The following CCDC178 variants were observed in gnomAD, a reference collection of about 807,000 sequenced individuals.
CCDC178 encodes coiled-coil domain containing 178.
A neutral mutation model predicts 117.4 loss-of-function variants in CCDC178; 126 were observed. The observed-to-expected ratio is 1.07, with a 90% CI of 0.93 to 1.24. The LOEUF is 1.24. CCDC178 is among the 50% of genes most tolerant of loss of function. The probability of loss-of-function intolerance (pLI) is 0.00; values close to 1 mark genes in which losing one functional copy is unlikely to be tolerated. For synonymous variants in CCDC178, 283 were observed against 313.4 expected, an observed-to-expected ratio of 0.90 and a Z score of 1.02; for missense variants, 1,030 against 986.9, an observed-to-expected ratio of 1.04 and a Z score of -0.59.
intron 2 of CCDC178, among the ~76,000 whole-genome samples, chr18:33,412,323 T>C (rs1037542416): frequency 1.2e-4 from 18 of 152,088 alleles, no homozygotes; most frequent in Non-Finnish European, 2.5e-4. Context: ...GGATCTTTGA[T>C]CTTCTACTTT....
chr18:33,117,979 G>A (rs2057882378), intron 20 of CCDC178, among the ~76,000 whole-genome samples: 1 of 152,084 alleles, frequency 6.6e-6, no homozygotes, highest in African/African-American at 2.4e-5. Context: ...TTTCCCCAGG[G>A]TAGTCAGGAT....
intron 3 of CCDC178, among the ~76,000 whole-genome samples, chr18:33,408,086 T>G (rs1287331636): frequency 6.6e-6 from 1 of 151,940 alleles, no homozygotes; most frequent in East Asian, 1.9e-4. Flanking sequence ...AAATGAAGTT[T>G]ATTTAAAAGT....
chr18:33,308,425 A>G (rs1251989876), intron 11 of CCDC178, among the ~76,000 whole-genome samples: 1 of 152,100 alleles, frequency 6.6e-6, no homozygotes, highest in East Asian at 1.9e-4. Context: ...GTGTCTAGGG[A>G]GTAACTAACT....
At chr18:33,394,610 T>C (rs1314445890) in intron 4 of CCDC178, among the ~76,000 whole-genome samples, 2 of 151,816 alleles carry the variant, frequency 1.3e-5, no homozygotes, top group Admixed American at 6.6e-5. Context: ...TCAAAAAAAC[T>C]TCAAGGAAAA....
chr18:32,960,845 A>G (rs1462637929), intron 22 of CCDC178, among the ~76,000 whole-genome samples: 1 of 152,104 alleles, frequency 6.6e-6, no homozygotes, highest in Admixed American at 6.6e-5. Context: ...TAATTTTTTG[A>G]CCCATAATAT....
intron 20 of CCDC178, among the ~76,000 whole-genome samples, chr18:33,124,928 A>G (rs271573): frequency 0.16 from 24,258 of 152,146 alleles, 2,675 homozygotes; most frequent in African/African-American, 0.32. Context: ...GCTAACGCTG[A>G]AAGTAGATTT....
At chr18:33,336,151 A>T (rs535170995) in intron 9 of CCDC178, among the ~76,000 whole-genome samples, 27 of 152,136 alleles carry the variant, frequency 1.8e-4, no homozygotes, top group Non-Finnish European at 3.4e-4. Flanking sequence ...CTTCCATTGT[A>T]TAAGAGAAAC....
At chr18:33,182,123 G>A (rs1479674744) in intron 20 of CCDC178, among the ~76,000 whole-genome samples, 2 of 151,842 alleles carry the variant, frequency 1.3e-5, no homozygotes, top group Non-Finnish European at 2.9e-5. Flanking sequence ...ATAACTCTCA[G>A]TTTTATCATG....
intron 20 of CCDC178, among the ~76,000 whole-genome samples, chr18:33,190,762 C>T (rs980086101): frequency 2.6e-5 from 4 of 152,174 alleles, no homozygotes; most frequent in African/African-American, 9.7e-5. Flanking sequence ...TCCTTCACAT[C>T]TGCAGTTTGG....
chr18:32,984,030 A>G (rs909549617), intron 21 of CCDC178, among the ~76,000 whole-genome samples: 5 of 152,034 alleles, frequency 3.3e-5, no homozygotes, highest in Admixed American at 6.6e-5. Context: ...AAGTAATGAG[A>G]TATTTCTTTA....
In CCDC178 at chr18:32,983,372, A is replaced by AAAT. The variant is rs200479986; in HGVS notation, c.2389-8694_2389-8692dup. 2,518 of 1,419,756 alleles carry AAAT rather than the reference A, an allele frequency of 1.8e-3. 38 individuals carry two copies. In the African/African-American group the frequency reaches 0.032, roughly 18 times the overall value. The allele number at this position is 1,419,756 out of a possible 1,614,324, so 87.9% of individuals were successfully genotyped here. A position where few individuals can be genotyped will look rare whatever the true frequency, so the allele number is the denominator to read the frequency against. On this transcript the variant is annotated intron_variant, in intron 21 of 22. Transcript: ENST00000383096. The stretch of plus-strand genomic sequence containing the variant: ...TGCAACCTAAGAATAGAAATATTAC[A>AAAT]AATATTACAAATGAAGCCATTTCAG...
At chr18:33,348,600 C>G (rs532237000) in intron 8 of CCDC178, among the ~76,000 whole-genome samples, 64 of 151,954 alleles carry the variant, frequency 4.2e-4, no homozygotes, top group African/African-American at 1.5e-3. Context: ...TACTGATTAT[C>G]ACAGAAAGTT....
At chr18:33,130,930 A>C (rs1359161597) in intron 20 of CCDC178, among the ~76,000 whole-genome samples, 1 of 151,918 alleles carries the variant, frequency 6.6e-6, no homozygotes, top group Non-Finnish European at 1.5e-5. Flanking sequence ...TTAGAGCATA[A>C]ATTTAAATAT....
At chr18:33,301,379 A>C (rs575837411) in intron 11 of CCDC178, among the ~76,000 whole-genome samples, 1 of 152,240 alleles carries the variant, frequency 6.6e-6, no homozygotes, top group South Asian at 2.1e-4. Context: ...ATGGCAGAGG[A>C]AAATATGGGG....
intron 15 of CCDC178, among the ~76,000 whole-genome samples, chr18:33,241,025 T>C (rs1276056400): frequency 6.6e-6 from 1 of 151,920 alleles, no homozygotes; most frequent in Non-Finnish European, 1.5e-5. Flanking sequence ...TATCCAGGAA[T>C]GAAAATATGG....
At chr18:33,413,458 A>G (rs1412655331) in intron 2 of CCDC178, among the ~76,000 whole-genome samples, 1 of 152,102 alleles carries the variant, frequency 6.6e-6, no homozygotes, top group Non-Finnish European at 1.5e-5. Flanking sequence ...TCTACTACAC[A>G]AAATTACTGG....
intron 20 of CCDC178, among the ~76,000 whole-genome samples, chr18:33,154,593 G>A (rs2058374137): frequency 6.6e-6 from 1 of 152,008 alleles, no homozygotes; most frequent in South Asian, 2.1e-4. Context: ...TGCAAATGAA[G>A]TAAATACTTC....
intron 20 of CCDC178, among the ~76,000 whole-genome samples, chr18:33,197,116 T>C (rs271527): frequency 0.16 from 24,470 of 152,000 alleles, 2,745 homozygotes; most frequent in African/African-American, 0.32. Context: ...CAGTGTTGAT[T>C]TCCTGGGCTC....
intron 11 of CCDC178, among the ~76,000 whole-genome samples, chr18:33,293,549 C>A (rs1224319128): frequency 1.3e-5 from 2 of 151,814 alleles, no homozygotes; most frequent in African/African-American, 4.8e-5. Flanking sequence ...CCTGTAGTCC[C>A]ATCTACTTAG....
Sources: allele counts gnomAD v4.1 joint callset (sites outside exome capture counted in the v4.1 genomes callset), GRCh38; gene constraint gnomAD v4.1.1; transcripts MANE v1.5; gene names NCBI Gene and HGNC (gene_info 2026-07-23, HGNC 2026-07-21).